Variants in CCDC144A observed in about 807,000 individuals in gnomAD.
CCDC144A encodes coiled-coil domain containing 144A, also known as coiled-coil domain-containing protein 144A.
In CCDC144A, 41 loss-of-function variants were observed where a neutral mutation model predicts 143.8. The ratio of observed to expected loss-of-function variants is 0.29; its 90% CI spans 0.22 to 0.37. CCDC144A has a LOEUF of 0.37. Among genes scored for constraint, CCDC144A ranks in the 10% least tolerant of loss-of-function variants. CCDC144A has a pLI of 1.00. For missense variants in CCDC144A, 637 were observed against 1,488.8 expected (o/e 0.43, Z 9.41); for synonymous variants, 242 against 517.9 (o/e 0.47, Z 7.23).
chr17:16,724,604 C>T (rs1195839468), intron 8 of CCDC144A, among the ~76,000 whole-genome samples: 8 of 150,214 alleles, frequency 5.3e-5, no homozygotes, highest in Non-Finnish European at 1.2e-4. Flanking sequence ...TGGTGTTGTT[C>T]AAGTGTGCTC....
intron 2 of CCDC144A, among the ~76,000 whole-genome samples, chr17:16,702,205 T>C (rs1183173191): frequency 6.6e-6 from 1 of 152,194 alleles, no homozygotes; most frequent in African/African-American, 2.4e-5. Flanking sequence ...TGTTCATATA[T>C]ATTTTTCTTA....
rs2143100905 is a variant in CCDC144A, at chr17:16,705,666, C to T, written c.664+267C>T. On this transcript the variant is annotated intron_variant, in intron 3 of 16. Coordinates refer to ENST00000399273, the MANE Select transcript of CCDC144A (RefSeq NM_001382000.1). ...TATAGGGACTAAGTATGTTTAGGGA[C>T]TAACATAGGATTATATTTAGGATAA... is the stretch of plus-strand genomic sequence containing the variant. The T allele has an allele frequency of 7.2e-6, 3 of 413,860 alleles. No homozygotes were observed. In the East Asian group the frequency reaches 1.6e-4, roughly 21 times the overall value. The allele number at this position is 413,860 out of a possible 1,614,324, so 25.6% of individuals were successfully genotyped here.
At chr17:16,697,751 A>T (rs1229173546) in intron 2 of CCDC144A, among the ~76,000 whole-genome samples, 1 of 152,210 alleles carries the variant, frequency 6.6e-6, no homozygotes, top group Non-Finnish European at 1.5e-5. Flanking sequence ...ATGTTTAACT[A>T]GGAAATATAA....
At chr17:16,671,094 C>T in the CCDC144A span, among the ~76,000 whole-genome samples, 1 of 151,710 alleles carries the variant, frequency 6.6e-6, no homozygotes, top group Non-Finnish European at 1.5e-5. Context: ...TCAAGCGATT[C>T]TCCTGCCTCA....
chr17:16,670,291 C>CTT, the CCDC144A span, among the ~76,000 whole-genome samples: 5 of 127,880 alleles, frequency 3.9e-5, no homozygotes, highest in Admixed American at 8.0e-5. Context: ...TTTCTTTTTT[C>CTT]TTTTTTTTTT....
At position 16,765,127 on chromosome 17, in the gene CCDC144A, T is replaced by C. The variant is rs2143388137; in HGVS notation, c.4098+952T>C. 3.8e-5 allele frequency: 4 copies of C among 105,062 alleles called. No homozygotes were observed. The Middle Eastern group carries it at 0.012, about 320-fold the overall frequency. 6.5% of individuals were successfully genotyped at this position (105,062 alleles called of 1,614,324 possible). A position where few individuals can be genotyped will look rare whatever the true frequency, so the allele number is the denominator to read the frequency against. Reference sequence around the variant, plus strand: ...CAAAATGGATCCAAAAATGACGAGCTGTATCAACTATAGAGTTGGTAAGGA... The same window carrying C: ...CAAAATGGATCCAAAAATGACGAGCCGTATCAACTATAGAGTTGGTAAGGA... On this transcript the variant is annotated intron_variant, in intron 15 of 16. Transcript: ENST00000399273.
intron 6 of CCDC144A, chr17:16,712,255 T>G (rs1912498467): frequency 1.2e-5 from 2 of 167,258 alleles, no homozygotes; most frequent in Non-Finnish European, 2.8e-5. Context: ...TATTCAGCCT[T>G]CCTTGGTTAT....
chr17:16,676,438 G>A, the CCDC144A span, among the ~76,000 whole-genome samples: 2 of 151,238 alleles, frequency 1.3e-5, no homozygotes, highest in Non-Finnish European at 2.9e-5. Context: ...GTGAACCTGG[G>A]AGGCAGAGCT....
the CCDC144A span, among the ~76,000 whole-genome samples, chr17:16,667,920 A>G: frequency 6.8e-6 from 1 of 146,146 alleles, no homozygotes; most frequent in Non-Finnish European, 1.5e-5. Flanking sequence ...AGGTGGGAAG[A>G]CTCCTTTGCA....
the CCDC144A span, among the ~76,000 whole-genome samples, chr17:16,667,953 A>C: frequency 1.5e-3 from 204 of 139,804 alleles, 1 homozygote; most frequent in East Asian, 6.3e-3. Flanking sequence ...CTTCTGTGTT[A>C]ATGATTTTGT....
chr17:16,757,174 G>A (rs1179771702), intron 12 of CCDC144A, among the ~76,000 whole-genome samples: 1 of 152,284 alleles, frequency 6.6e-6, no homozygotes, highest in African/African-American at 2.4e-5. Flanking sequence ...GGTGACACTT[G>A]TGGCACTGGA....
In CCDC144A at chr17:16,733,061, T is replaced by C. The variant is rs2261564; in HGVS notation, c.2418+395T>C. On this transcript the variant is annotated intron_variant, in intron 11 of 16. Coordinates refer to ENST00000399273, the MANE Select transcript of CCDC144A (RefSeq NM_001382000.1). The stretch of plus-strand genomic sequence containing the variant: ...GAGGTTAGATTATTATTTCCACTTG[T>C]AGTAAGGATGAAATGTATAGCCAGT... Among the ~76,000 whole-genome samples the C allele has an allele frequency of 7.3e-3, 1,083 of 149,376 alleles. 25 individuals carry two copies. Among genetic ancestry groups the C allele is most frequent in the African/African-American group, 0.024 (918 of 39,030 alleles).
At chr17:16,716,818 T>G (rs1432259912) in intron 6 of CCDC144A, among the ~76,000 whole-genome samples, 3 of 149,502 alleles carry the variant, frequency 2.0e-5, no homozygotes, top group Admixed American at 1.3e-4. Flanking sequence ...AGCTGTTTTT[T>G]TTTTTTTTTT....
In CCDC144A at chr17:16,761,533, C is replaced by A; in HGVS notation, c.3481C>A (p.Gln1161Lys). The A allele has an allele frequency of 6.3e-7, 1 of 1,588,060 alleles. No individual in the cohort carries two copies. The highest frequency in any genetic ancestry group is 8.6e-7 in the Non-Finnish European group (1 of 1,167,770). The part of the protein sequence containing the change: ...QQTLFSMKAI[Q>K]KQCETLQKNK... ...GACATTATTCTCTATGAAAGCAATA[C>A]AAAAGCAATGTGAAACACTACAGAA... Residue 1161 changes from glutamine (Q) to lysine (K), a missense_variant, in exon 13 of 17, where the codon CAA becomes AAA. Transcript: ENST00000399273.
chr17:16,691,885 T>C (rs1398777548), intron 1 of CCDC144A: 1 of 152,040 alleles, frequency 6.6e-6, no homozygotes, highest in African/African-American at 2.4e-5. Context: ...GATGCACAGA[T>C]TTTTGAAGTG....
rs549062068 is a variant in CCDC144A, at chr17:16,765,726, C to T, written c.4098+1551C>T. 9 of 151,374 alleles carry T rather than the reference C, an allele frequency of 5.9e-5. No individual in the cohort carries two copies. The East Asian group carries it at 1.7e-3, about 29-fold the overall frequency. 9.4% of individuals were successfully genotyped at this position (151,374 alleles called of 1,614,324 possible). On this transcript the variant is annotated intron_variant, in intron 15 of 16. Transcript: ENST00000399273. ...AATGATTGTTTTAATACATAGATTACAAGAGCCCAGCTAGCTGATATTTTT... is the reference window on the plus strand; with the variant it reads ...AATGATTGTTTTAATACATAGATTATAAGAGCCCAGCTAGCTGATATTTTT...
intron 4 of CCDC144A, among the ~76,000 whole-genome samples, chr17:16,708,419 G>C (rs1340926209): frequency 6.6e-6 from 1 of 152,098 alleles, no homozygotes; most frequent in Non-Finnish European, 1.5e-5. Flanking sequence ...TACTGTAGGG[G>C]CTCACTTTCC....
chr17:16,729,963 C>CATATATATATATATATATAT lies in CCDC144A; in HGVS notation c.2106-1827_2106-1808dup, dbSNP rs59756018. Among the ~76,000 whole-genome samples, 449 of 93,792 alleles carry CATATATATATATATATATAT rather than the reference C, an allele frequency of 4.8e-3. 6 individuals are homozygous for CATATATATATATATATATAT. The highest frequency in any genetic ancestry group is 0.012 in the East Asian group (42 of 3,566). 61.5% of individuals were successfully genotyped at this position (93,792 alleles called of 152,430 possible). On this transcript the variant is annotated intron_variant, in intron 9 of 16. Transcript: ENST00000399273. ...CATATTGTACCTCAGTAGGTAGTTT[C>CATATATATATATATATATAT]ATATATATATATATATATATATATA...
chr17:16,709,636 G>A lies in CCDC144A; in HGVS notation c.1578+1G>A, dbSNP rs760307516. 6.2e-7 allele frequency: 1 copy of A among 1,611,078 alleles called. No individual in the cohort carries two copies. The highest frequency in any genetic ancestry group is 8.5e-7 in the Non-Finnish European group (1 of 1,179,520). ...AGAAGATGTTCAACTTCATAAAGAT[G>A]TAGGGTTTTACTTGCTGCCACTCTT... On this transcript the variant is annotated splice_donor_variant, in intron 5 of 16. Coordinates refer to ENST00000399273, the MANE Select transcript of CCDC144A (RefSeq NM_001382000.1). LOFTEE classifies it high-confidence loss of function.
Sources: gnomAD v4.1 joint callset for allele counts (sites outside exome capture counted in the v4.1 genomes callset) on GRCh38, gnomAD v4.1.1 for gene constraint, MANE v1.5 for transcripts, NCBI Gene and HGNC (gene_info 2026-07-23, HGNC 2026-07-21) for gene names.